The following SEL1L2 variants were observed in gnomAD, a reference collection of about 807,000 sequenced individuals.
SEL1L2 encodes SEL1L2 adaptor subunit of SYVN1 ubiquitin ligase.
SEL1L2 carries 89 observed loss-of-function variants against 98.8 expected under a neutral mutation model. The observed-to-expected ratio is 0.90, with a 90% CI of 0.76 to 1.07. SEL1L2 has a LOEUF of 1.07. Ranked by LOEUF, SEL1L2 falls within the 50% of genes least tolerant of loss-of-function variation. The pLI is 0.00. For missense variants in SEL1L2, 788 were observed against 812.0 expected (o/e 0.97, Z 0.36); for synonymous variants, 262 against 278.5 (o/e 0.94, Z 0.59).
At chr20:13,965,238 G>C (rs2050984945) in intron 1 of SEL1L2, among the ~76,000 whole-genome samples, 1 of 152,204 alleles carries the variant, frequency 6.6e-6, no homozygotes, top group Non-Finnish European at 1.5e-5. Flanking sequence ...ATCCAGAGAA[G>C]ACACTCATTC....
At chr20:13,856,623 C>T (rs1275418821) in intron 18 of SEL1L2, among the ~76,000 whole-genome samples, 4 of 152,150 alleles carry the variant, frequency 2.6e-5, no homozygotes, top group African/African-American at 9.7e-5. Flanking sequence ...AGACGCTTCT[C>T]AGTGAAGCTA....
upstream of SEL1L2, among the ~76,000 whole-genome samples, chr20:13,994,145 A>G (rs6042472): frequency 0.014 from 2,162 of 152,072 alleles, 45 homozygotes; most frequent in African/African-American, 0.049. Context: ...AAAAATACAA[A>G]ATTAGCCAGG....
intron 2 of SEL1L2, among the ~76,000 whole-genome samples, chr20:13,932,595 C>A (rs1417907956): frequency 6.6e-6 from 1 of 151,906 alleles, no homozygotes; most frequent in Non-Finnish European, 1.5e-5. Flanking sequence ...CCGTGCCTAG[C>A]TAATTTTTGT....
chr20:13,873,684 T>A (rs1165255239), intron 12 of SEL1L2, among the ~76,000 whole-genome samples: 1 of 152,192 alleles, frequency 6.6e-6, no homozygotes, highest in Non-Finnish European at 1.5e-5. Flanking sequence ...TAAAACACTT[T>A]CTGGGCCAGA....
chr20:13,882,493 C>T (rs956559756), intron 10 of SEL1L2, among the ~76,000 whole-genome samples: 2 of 152,144 alleles, frequency 1.3e-5, no homozygotes, highest in African/African-American at 4.8e-5. Flanking sequence ...CTTTGACTGC[C>T]ATGTGGAAAG....
At chr20:13,866,528 A>G (rs1600509596) in intron 15 of SEL1L2, among the ~76,000 whole-genome samples, 174 bp downstream of exon 15, 2 of 152,122 alleles carry the variant, frequency 1.3e-5, no homozygotes, top group East Asian at 3.9e-4. Flanking sequence ...CCCTTCCCCA[A>G]CCTGAGTTAC....
chr20:13,960,462 A>G lies in SEL1L2; in HGVS notation c.59-4331T>C, dbSNP rs142469952. 7.2e-4 allele frequency among the ~76,000 whole-genome samples: 109 copies of G among 152,338 alleles called. No individual in the cohort carries two copies. The East Asian group carries it at 0.02, about 29-fold the overall frequency. ...TAACTATTCAGTAGCTTAAAACATA[A>G]CATGAAGACAACAGCAATTGTTCAT... On this transcript the variant is annotated intron_variant, in intron 1 of 19. Transcript: ENST00000284951.
At chr20:13,885,520 G>GA (rs1432551541) in intron 9 of SEL1L2, 117 bp from the exon 10 acceptor site, 3 of 717,324 alleles carry the variant, frequency 4.2e-6, no homozygotes, top group Non-Finnish European at 7.5e-6. Flanking sequence ...GAAATGTCCT[G>GA]AAAAAATCAG....
chr20:13,855,215 TC>T (rs748051635), intron 18 of SEL1L2, among the ~76,000 whole-genome samples: 34 of 152,132 alleles, frequency 2.2e-4, no homozygotes, highest in Non-Finnish European at 4.9e-4. Flanking sequence ...CAGGTCAAGG[TC>T]TTTGAGGGGA....
intron 11 of SEL1L2, among the ~76,000 whole-genome samples, chr20:13,876,488 T>C (rs2147906682): frequency 6.7e-6 from 1 of 149,860 alleles, no homozygotes; most frequent in South Asian, 2.1e-4. Context: ...TGGTTACTAA[T>C]GCAAATCGGC....
intron 2 of SEL1L2, among the ~76,000 whole-genome samples, chr20:13,951,933 T>C (rs2050297913): frequency 1.3e-5 from 2 of 152,046 alleles, no homozygotes; most frequent in South Asian, 4.1e-4. Flanking sequence ...TGGATCAATA[T>C]TCTAGTTCTG....
intron 17 of SEL1L2, among the ~76,000 whole-genome samples, chr20:13,864,223 G>A (rs563315845): frequency 6.6e-6 from 1 of 152,234 alleles, no homozygotes; most frequent in East Asian, 1.9e-4. Context: ...CACTAAAATT[G>A]CATTGATGGC....
At chr20:13,892,816 C>T (rs1299221811) in intron 5 of SEL1L2, among the ~76,000 whole-genome samples, 2 of 152,164 alleles carry the variant, frequency 1.3e-5, no homozygotes, top group East Asian at 3.9e-4. Context: ...CACACATAGG[C>T]TGAACATTAA....
intron 3 of SEL1L2, among the ~76,000 whole-genome samples, chr20:13,920,676 G>A (rs1361563268): frequency 3.3e-5 from 5 of 151,998 alleles, no homozygotes; most frequent in Admixed American, 1.3e-4. Flanking sequence ...TTGATTAGAA[G>A]AACCACGCTT....
intron 1 of SEL1L2, among the ~76,000 whole-genome samples, chr20:13,958,393 A>T (rs763236786): frequency 9.2e-5 from 14 of 152,162 alleles, no homozygotes; most frequent in Non-Finnish European, 1.9e-4. Flanking sequence ...ACGCTACTTA[A>T]ATAAATGTGG....
chr20:13,854,063 T>C (rs934930068), intron 18 of SEL1L2, among the ~76,000 whole-genome samples: 3 of 152,240 alleles, frequency 2.0e-5, no homozygotes, highest in African/African-American at 7.2e-5. Context: ...ACTTATCCTT[T>C]CCAGAAAATA....
intron 1 of SEL1L2, among the ~76,000 whole-genome samples, chr20:13,982,777 G>C (rs1601035628): frequency 6.6e-6 from 1 of 151,518 alleles, no homozygotes; most frequent in African/African-American, 2.4e-5. Flanking sequence ...CTTAATCCCA[G>C]CACTTTGGGA....
intron 5 of SEL1L2, among the ~76,000 whole-genome samples, chr20:13,912,244 G>A (rs1256898197): frequency 6.6e-6 from 1 of 151,222 alleles, no homozygotes; most frequent in Admixed American, 6.6e-5. Flanking sequence ...GTCGCCACCA[G>A]TGTATGAAGA....
chr20:13,850,210 C>T lies in SEL1L2; in HGVS notation c.1928G>A (p.Arg643Gln), dbSNP rs531215174. 175 of 1,613,832 alleles carry T rather than the reference C, an allele frequency of 1.1e-4. No individual in the cohort carries two copies. Among genetic ancestry groups the T allele is most frequent in the African/African-American group, 7.7e-4 (58 of 74,986 alleles). ...ACTTACATTAAAAAACAGGATATCC[C>T]GGAGCAAATGCGTAGTTTCCAGTTT... Reference protein sequence around the residue: ...VMKLETTHLLRDILFFNFTTR... With the variant: ...VMKLETTHLLQDILFFNFTTR... The change falls in exon 19 of 20, where the codon CGG becomes CAG. Residue 643 changes from arginine to glutamine, a missense_variant. Physicochemically the swap from Arg to Gln is conservative, Grantham distance 43. Transcript: ENST00000284951.
Sources: gnomAD v4.1 joint callset for allele counts (sites outside exome capture counted in the v4.1 genomes callset) on GRCh38, gnomAD v4.1.1 for gene constraint, MANE v1.5 for transcripts, NCBI Gene and HGNC (gene_info 2026-07-23, HGNC 2026-07-21) for gene names.